The following TMEM109 variants were observed in gnomAD, a reference collection of about 807,000 sequenced individuals.
TMEM109 encodes voltage-gated monoatomic cation channel TMEM109.
In TMEM109, 19 loss-of-function variants were observed where a neutral mutation model predicts 26.4. That is an observed-to-expected ratio of 0.72 (90% CI 0.50 to 1.06). The LOEUF (loss-of-function observed/expected upper bound fraction) is 1.06, where lower values mean the gene tolerates loss of function less well. Ranked by LOEUF, TMEM109 falls within the 50% of genes least tolerant of loss-of-function variation. The pLI, the probability that TMEM109 is intolerant of heterozygous loss-of-function variation, is 0.00. For synonymous variants in TMEM109, 129 were observed against 142.0 expected, an observed-to-expected ratio of 0.91 and a Z score of 0.65; for missense variants, 262 against 303.4, an observed-to-expected ratio of 0.86 and a Z score of 1.01.
chr11:60,919,936 G>A lies in TMEM109; in HGVS notation c.237+6G>A, dbSNP rs764649015. On this transcript the variant is annotated splice_donor_region_variant and intron_variant, in intron 2 of 3. Coordinates refer to ENST00000227525, the MANE Select transcript of TMEM109 (RefSeq NM_024092.3). The stretch of plus-strand genomic sequence containing the variant: ...CCATGCACCTGGTGTCAGAGGTAAG[G>A]AAGGTAGTCCCTGTGTGACTACACA... The A allele has an allele frequency of 6.2e-7, 1 of 1,611,758 alleles. No individual in the cohort carries two copies. The highest frequency in any genetic ancestry group is 2.2e-5 in the East Asian group (1 of 44,874).
chr11:60,919,348 A>G (rs544981412), intron 1 of TMEM109, among the ~76,000 whole-genome samples: 4 of 152,340 alleles, frequency 2.6e-5, no homozygotes, highest in South Asian at 2.1e-4. Flanking sequence ...TTTTATGCCT[A>G]TAGCACCTAA....
chr11:60,917,770 C>G lies in TMEM109; in HGVS notation c.-8-1916C>G, dbSNP rs568275721. 7.9e-5 allele frequency among the ~76,000 whole-genome samples: 12 copies of G among 152,210 alleles called. 1 individual carries two copies. Among genetic ancestry groups the G allele is most frequent in the Admixed American group, 2.6e-4 (4 of 15,278 alleles). On this transcript the variant is annotated intron_variant, in intron 1 of 3. Coordinates refer to ENST00000227525, the MANE Select transcript of TMEM109 (RefSeq NM_024092.3). Reference sequence around the variant, plus strand: ...TCCTGGGCTCAAGTGATCCTCCCCCCTCAGCCTCCCAAATAGCTGGGAGTA... The same window carrying G: ...TCCTGGGCTCAAGTGATCCTCCCCCGTCAGCCTCCCAAATAGCTGGGAGTA...
In TMEM109 at chr11:60,922,180, A is replaced by T. The variant is rs752914482; in HGVS notation, c.*15A>T. On this transcript the variant is annotated 3_prime_UTR_variant, in exon 4 of 4. Transcript: ENST00000227525. ...AGGAGGAGTGAGCCGGATGCCCCAC[A>T]CACCGCCAGTGTCATACCAAAGAGC... The T allele has an allele frequency of 4.1e-5, 64 of 1,565,112 alleles. No individual in the cohort carries two copies. In the South Asian group the frequency reaches 7.2e-4, roughly 18 times the overall value.
At chr11:60,916,297 A>G (rs1344037224) in intron 1 of TMEM109, among the ~76,000 whole-genome samples, 1 of 152,246 alleles carries the variant, frequency 6.6e-6, no homozygotes, top group Non-Finnish European at 1.5e-5. Context: ...GCACTCTGTG[A>G]ATTATAAAGC....
At chr11:60,917,267 G>T (rs887325518) in intron 1 of TMEM109, among the ~76,000 whole-genome samples, 4 of 152,020 alleles carry the variant, frequency 2.6e-5, no homozygotes, top group Non-Finnish European at 5.9e-5. Flanking sequence ...TGGATTTATT[G>T]TCAACTCCCT....
intron 1 of TMEM109, among the ~76,000 whole-genome samples, chr11:60,917,205 C>T (rs1856183004): frequency 6.6e-6 from 1 of 152,222 alleles, no homozygotes; most frequent in Non-Finnish European, 1.5e-5. Flanking sequence ...TCCTCCTTCC[C>T]CCTAAGCAAG....
chr11:60,921,643 C>A, intron 3 of TMEM109, 131 bp from the exon 4 acceptor site: 1 of 706,564 alleles, frequency 1.4e-6, no homozygotes, highest in Admixed American at 2.4e-5. Flanking sequence ...CAACCCATAT[C>A]ACTCTGAGTC....
rs968830814 is a variant in TMEM109, at chr11:60,922,984, A to G, written c.*819A>G. On this transcript the variant is annotated 3_prime_UTR_variant, in exon 4 of 4. Transcript: ENST00000227525. ...CAAGTGGGACCTTGCTGGGCATTAT[A>G]TGCCCTGTGGGGGTTTCAGAGACCC... The G allele has an allele frequency of 6.5e-6, 1 of 152,746 alleles. No individual in the cohort carries two copies. Among genetic ancestry groups the G allele is most frequent in the Non-Finnish European group, 1.5e-5 (1 of 68,388 alleles). The allele number at this position is 152,746 out of a possible 1,614,324, so 9.5% of individuals were successfully genotyped here.
chr11:60,916,501 G>C (rs565606436), intron 1 of TMEM109, among the ~76,000 whole-genome samples: 1 of 152,224 alleles, frequency 6.6e-6, no homozygotes, highest in Non-Finnish European at 1.5e-5. Flanking sequence ...ATTTGATTAG[G>C]CCAAAGTGAG....
At chr11:60,915,498 C>G (rs944139101) in intron 1 of TMEM109, among the ~76,000 whole-genome samples, 1 of 152,210 alleles carries the variant, frequency 6.6e-6, no homozygotes, top group African/African-American at 2.4e-5. Context: ...AGGGCTGAGT[C>G]CCTCTCTGGA....
rs1424642382 is a variant in TMEM109 at position 60,919,880 on chromosome 11, G to A, written c.187G>A (p.Gly63Arg). Reference sequence around the variant, plus strand: ...GACCCAGATAGGTCGATCTGTGCGAGGGACACTGGATGCCTGGATTGGGCC... The same window carrying A: ...GACCCAGATAGGTCGATCTGTGCGAAGGACACTGGATGCCTGGATTGGGCC... ...VLTQIGRSVR[G>R]TLDAWIGPET... Residue 63 changes from glycine (G) to arginine (R), a missense_variant, in exon 2 of 4, where the codon GGG (glycine) becomes AGG (arginine). Transcript: ENST00000227525. 8.7e-6 allele frequency: 14 copies of A among 1,614,102 alleles called. No homozygotes were observed. The highest frequency in any genetic ancestry group is 1.2e-5 in the Non-Finnish European group (14 of 1,180,040).
Position 60,922,392 on chromosome 11 carries a change from T to C in TMEM109, c.*227T>C. The C allele has an allele frequency of 6.6e-7, 1 of 1,524,950 alleles. No homozygotes were observed. The highest frequency in any genetic ancestry group is 8.8e-7 in the Non-Finnish European group (1 of 1,139,390). 94.5% of individuals were successfully genotyped at this position (1,524,950 alleles called of 1,614,324 possible). Reference sequence around the variant, plus strand: ...GTTCTCTGTCTGGGGTTGGCTCTCTTAACCCTTTCTCTGCTCCCAGCCTGC... The same window carrying C: ...GTTCTCTGTCTGGGGTTGGCTCTCTCAACCCTTTCTCTGCTCCCAGCCTGC... On this transcript the variant is annotated 3_prime_UTR_variant, in exon 4 of 4. Coordinates refer to ENST00000227525, the MANE Select transcript of TMEM109 (RefSeq NM_024092.3).
chr11:60,923,202 A>C lies in TMEM109; in HGVS notation c.*1037A>C, dbSNP rs902716849. 5.3e-5 allele frequency: 8 copies of C among 151,898 alleles called. No homozygotes were observed. The highest frequency in any genetic ancestry group is 1.0e-4 in the Non-Finnish European group (7 of 67,844). The allele number at this position is 151,898 out of a possible 1,614,324, so 9.4% of individuals were successfully genotyped here. ...GGTGAGCTGCCAGCTGCCCCTCTCC[A>C]CCAGGGTACCCTGTCTTGGTGGTTA... On this transcript the variant is annotated 3_prime_UTR_variant, in exon 4 of 4. Transcript: ENST00000227525.
chr11:60,920,396 G>A (rs1856222983), intron 2 of TMEM109, among the ~76,000 whole-genome samples: 1 of 152,174 alleles, frequency 6.6e-6, no homozygotes. Flanking sequence ...CTGGACTGAA[G>A]GGCTGAGACA....
Position 60,919,768 on chromosome 11 carries a change from T to C in TMEM109, c.75T>C (p.Leu25=), listed in dbSNP as rs779028575. ...CCATTCTGATGGTCCTAGTGGCCCT[T>C]ATCCTCCTCCACTCAGCATTGGCCC... The part of the protein sequence containing the change: ...FKAILMVLVA[L]ILLHSALAQS... The change falls in exon 2 of 4, where the codon CTT becomes CTC. Residue 25 remains leucine (L), a synonymous_variant. Transcript: ENST00000227525. The C allele has an allele frequency of 7.4e-6, 12 of 1,614,048 alleles. No individual in the cohort carries two copies. The highest frequency in any genetic ancestry group is 2.2e-5 in the South Asian group (2 of 91,086).
At chr11:60,920,103 G>A (rs1445292629) in intron 2 of TMEM109, among the ~76,000 whole-genome samples, 173 bp downstream of exon 2, 2 of 152,136 alleles carry the variant, frequency 1.3e-5, no homozygotes, top group Non-Finnish European at 2.9e-5. Flanking sequence ...TTTGATTGCT[G>A]TCCTAGGGCC....
At position 60,922,003 on chromosome 11, in the gene TMEM109, G is replaced by C. The variant is rs1281649643; in HGVS notation, c.570G>C (p.Leu190=). 2.5e-6 allele frequency: 4 copies of C among 1,613,308 alleles called. No individual in the cohort carries two copies. Among genetic ancestry groups the C allele is most frequent in the Non-Finnish European group, 3.4e-6 (4 of 1,179,992 alleles). The change falls in exon 4 of 4, where the codon CTG becomes CTC. Residue 190 remains leucine, a synonymous_variant. Coordinates refer to ENST00000227525, the MANE Select transcript of TMEM109 (RefSeq NM_024092.3). The stretch of plus-strand genomic sequence containing the variant: ...CTTCCACCCGGGCCCTGCTACTCCT[G>C]GCCTTGCTGATCCTCTACGCCCTGC... ...PDPSTRALLL[L]ALLILYALLS...
Position 60,914,159 on chromosome 11 carries a change from T to C in TMEM109, c.-118T>C, listed in dbSNP as rs924589811. The C allele has an allele frequency of 2.0e-5, 3 of 152,150 alleles. No individual in the cohort carries two copies. The highest frequency in any genetic ancestry group is 7.2e-5 in the African/African-American group (3 of 41,422). The allele number at this position is 152,150 out of a possible 1,614,324, so 9.4% of individuals were successfully genotyped here. The stretch of plus-strand genomic sequence containing the variant: ...GAAGGCCGGCTAGTCTCCGAGCTCA[T>C]CCCGCCTTGCGCATGCGGAGAAGGT... On this transcript the variant is annotated 5_prime_UTR_variant, in exon 1 of 4. Transcript: ENST00000227525.
At chr11:60,914,319 C>G (rs1856145851) in intron 1 of TMEM109, 51 bp downstream of exon 1, 1 of 152,416 alleles carries the variant, frequency 6.6e-6, no homozygotes, top group Admixed American at 6.5e-5. Context: ...GAAGGGGAGA[C>G]AGCAGCCGCT....
Sources: allele counts gnomAD v4.1 joint callset (sites outside exome capture counted in the v4.1 genomes callset), GRCh38; gene constraint gnomAD v4.1.1; transcripts MANE v1.5; gene names NCBI Gene and HGNC (gene_info 2026-07-23, HGNC 2026-07-21).